The following SRGAP3 variants were observed in gnomAD, a reference collection of about 807,000 sequenced individuals.
SRGAP3 encodes SLIT-ROBO Rho GTPase activating protein 3.
A neutral mutation model predicts 121.1 loss-of-function variants in SRGAP3; 39 were observed. That is an observed-to-expected ratio of 0.32 (90% CI 0.25 to 0.42). The LOEUF is 0.42. Ranked by LOEUF, SRGAP3 falls within the 10% of genes least tolerant of loss-of-function variation. The pLI is 1.00. For missense variants in SRGAP3, 1,213 were observed against 1,470.6 expected (o/e 0.82, Z 2.86); for synonymous variants, 601 against 570.0 (o/e 1.05, Z -0.77).
At chr3:9,133,159 G>A (rs1949521780) in intron 1 of SRGAP3, among the ~76,000 whole-genome samples, 1 of 151,862 alleles carries the variant, frequency 6.6e-6, no homozygotes, top group African/African-American at 2.4e-5. Context: ...CATTCACAGT[G>A]TTCTGTACCT....
At chr3:9,226,189 T>G (rs1272800907) in intron 1 of SRGAP3, among the ~76,000 whole-genome samples, 1 of 152,248 alleles carries the variant, frequency 6.6e-6, no homozygotes, top group Non-Finnish European at 1.5e-5. Flanking sequence ...TGATATCTTT[T>G]GCCCACATTA....
rs200198358 is a variant in SRGAP3, at chr3:9,079,174, A to C, written c.486+851T>G. On this transcript the variant is annotated intron_variant, in intron 4 of 21. Coordinates refer to ENST00000383836, the MANE Select transcript of SRGAP3 (RefSeq NM_014850.4). ...GCAGATTCTCCCCAACACACAAACA[A>C]ACACACTTTTCATGAAATGCTATAT... is the stretch of plus-strand genomic sequence containing the variant. Among the ~76,000 whole-genome samples, 137 of 150,750 alleles carry C rather than the reference A, an allele frequency of 9.1e-4. 2 individuals are homozygous for C. The highest frequency in any genetic ancestry group is 3.2e-3 in the African/African-American group (132 of 40,834).
chr3:9,274,415 C>T (rs996162378), intron 3 of SRGAP3, among the ~76,000 whole-genome samples: 1 of 152,148 alleles, frequency 6.6e-6, no homozygotes, highest in African/African-American at 2.4e-5. Context: ...GGGGAGCATG[C>T]AGGTGAGTGG....
intron 3 of SRGAP3, among the ~76,000 whole-genome samples, chr3:9,095,829 A>T (rs1947944445): frequency 6.6e-6 from 1 of 152,188 alleles, no homozygotes; most frequent in Non-Finnish European, 1.5e-5. Context: ...GCACTTTGGG[A>T]GGCTGAGATG....
intron 2 of SRGAP3, among the ~76,000 whole-genome samples, chr3:9,326,378 T>G (rs1177802065): frequency 6.6e-6 from 1 of 151,924 alleles, no homozygotes; most frequent in Non-Finnish European, 1.5e-5. Context: ...CAAATGTACC[T>G]AAAGTTTTGA....
intron 1 of SRGAP3, among the ~76,000 whole-genome samples, chr3:9,341,531 G>A (rs921733278): frequency 6.6e-6 from 1 of 152,224 alleles, no homozygotes; most frequent in African/African-American, 2.4e-5. Flanking sequence ...GGGGGAAAGT[G>A]TTGGGAGAAG....
intron 1 of SRGAP3, among the ~76,000 whole-genome samples, chr3:9,199,231 C>T (rs1014713854): frequency 2.6e-5 from 4 of 152,208 alleles, no homozygotes; most frequent in African/African-American, 4.8e-5. Context: ...AGCACACTCC[C>T]GCGACTCACT....
At chr3:9,053,272 C>T (rs528502627) in intron 8 of SRGAP3, 48 bp from the exon 9 acceptor site, 29 of 1,568,170 alleles carry the variant, frequency 1.8e-5, no homozygotes, top group Admixed American at 9.0e-5. Flanking sequence ...CTCATACTGC[C>T]GTTGACACCT....
intron 1 of SRGAP3, among the ~76,000 whole-genome samples, chr3:9,232,138 T>G (rs1251612063): frequency 6.6e-6 from 1 of 152,228 alleles, no homozygotes; most frequent in African/African-American, 2.4e-5. Context: ...TCAGCAATCA[T>G]CCTTACACTA....
At chr3:9,056,522 G>T (rs1311222933) in intron 7 of SRGAP3, among the ~76,000 whole-genome samples, 188 bp from the exon 8 acceptor site, 2 of 152,158 alleles carry the variant, frequency 1.3e-5, no homozygotes, top group Non-Finnish European at 2.9e-5. Flanking sequence ...TGAGAACCGG[G>T]GTCTTCCTAC....
chr3:9,087,858 ATCTCTTCCCC>A (rs1458256476), intron 3 of SRGAP3, among the ~76,000 whole-genome samples: 1 of 152,094 alleles, frequency 6.6e-6, no homozygotes, highest in Non-Finnish European at 1.5e-5. Context: ...GGGTTCTTGT[ATCTCTTCCCC>A]AGGACTGTAA....
At chr3:9,176,339 T>C (rs777130064) in intron 1 of SRGAP3, among the ~76,000 whole-genome samples, 7 of 152,240 alleles carry the variant, frequency 4.6e-5, no homozygotes, top group Non-Finnish European at 7.3e-5. Context: ...AAGGGCCTCA[T>C]AGGGTACCTA....
intron 1 of SRGAP3, among the ~76,000 whole-genome samples, chr3:9,206,421 A>C (rs1952267942): frequency 6.6e-6 from 1 of 152,130 alleles, no homozygotes; most frequent in Non-Finnish European, 1.5e-5. Flanking sequence ...CCCACATGAA[A>C]CTTCTCTGAT....
chr3:9,318,618 T>C (rs1343021268), intron 3 of SRGAP3, among the ~76,000 whole-genome samples: 1 of 150,898 alleles, frequency 6.6e-6, no homozygotes, highest in Non-Finnish European at 1.5e-5. Flanking sequence ...CTCATACCTG[T>C]AATCCCAGCA....
intron 11 of SRGAP3, 174 bp downstream of exon 11, chr3:9,037,889 C>T: frequency 1.2e-6 from 1 of 838,106 alleles, no homozygotes; most frequent in Non-Finnish European, 1.9e-6. Flanking sequence ...CAGTCTAATG[C>T]TAGAACAAGC....
chr3:9,182,175 C>CAAAAAAAAAA (rs34305216), intron 1 of SRGAP3, among the ~76,000 whole-genome samples: 8 of 37,280 alleles, frequency 2.1e-4, no homozygotes, highest in Non-Finnish European at 3.0e-4. Flanking sequence ...GACTCTGTCT[C>CAAAAAAAAAA]AAAAAAAAAA....
chr3:9,185,538 T>C (rs1205529583), intron 1 of SRGAP3, among the ~76,000 whole-genome samples: 1 of 144,636 alleles, frequency 6.9e-6, no homozygotes, highest in African/African-American at 2.5e-5. Context: ...TCCTTATTTC[T>C]TTTTTTTTTT....
intron 3 of SRGAP3, among the ~76,000 whole-genome samples, chr3:9,313,891 G>A (rs1479965742): frequency 6.6e-6 from 1 of 151,954 alleles, no homozygotes; most frequent in African/African-American, 2.4e-5. Context: ...CTACTTGGAA[G>A]GTTGAGGTGG....
Position 9,104,916 on chromosome 3 carries a change from T to C in SRGAP3, c.261-74A>G, listed in dbSNP as rs539333662. 3.5e-4 allele frequency: 550 copies of C among 1,588,246 alleles called. 1 individual carries two copies. The South Asian group carries it at 5.8e-3, about 17-fold the overall frequency. On this transcript the variant is annotated intron_variant, in intron 2 of 21. Coordinates refer to ENST00000383836, the MANE Select transcript of SRGAP3 (RefSeq NM_014850.4). The stretch of plus-strand genomic sequence containing the variant: ...AACAGTGGTTTATGCTGTCACCCAC[T>C]TCAGCTCTTTTAACCTCCACGGTGC...
Sources: gnomAD v4.1 joint callset for allele counts (sites outside exome capture counted in the v4.1 genomes callset) on GRCh38, gnomAD v4.1.1 for gene constraint, MANE v1.5 for transcripts, NCBI Gene and HGNC (gene_info 2026-07-23, HGNC 2026-07-21) for gene names.